PDE4B: variants seen among roughly 807,000 people sequenced by gnomAD.
The protein encoded by PDE4B is phosphodiesterase 4B, also known as 3',5'-cyclic-AMP phosphodiesterase 4B.
In PDE4B, 20 loss-of-function variants were observed where a neutral mutation model predicts 82.2. The observed-to-expected ratio is 0.24, with a 90% CI of 0.17 to 0.35. The LOEUF (loss-of-function observed/expected upper bound fraction) is 0.35, where lower values mean the gene tolerates loss of function less well. PDE4B is among the 10% of genes least tolerant of loss of function. The probability of loss-of-function intolerance (pLI) is 1.00; values close to 1 mark genes in which losing one functional copy is unlikely to be tolerated. For missense variants in PDE4B, 655 were observed against 907.2 expected, an observed-to-expected ratio of 0.72 and a Z score of 3.57; for synonymous variants, 320 against 318.9, an observed-to-expected ratio of 1.00 and a Z score of -0.04.
chr1:66,216,660 T>C (rs1007826904), intron 3 of PDE4B, among the ~76,000 whole-genome samples: 7 of 152,152 alleles, frequency 4.6e-5, no homozygotes, highest in African/African-American at 1.4e-4. Context: ...TCTGAAAGTG[T>C]CTCAAAGCAT....
chr1:65,836,162 G>C (rs1208041440), intron 1 of PDE4B, among the ~76,000 whole-genome samples: 3 of 151,980 alleles, frequency 2.0e-5, no homozygotes, highest in African/African-American at 7.2e-5. Context: ...GGCTGGTCTC[G>C]AACTTCCTAC....
chr1:66,104,937 A>G (rs1273527154), intron 3 of PDE4B, among the ~76,000 whole-genome samples: 2 of 148,298 alleles, frequency 1.3e-5, no homozygotes, highest in African/African-American at 2.5e-5. Context: ...GAAGCTCTTT[A>G]GTTTAATTAG....
chr1:66,332,194 A>T, intron 7 of PDE4B: 1 of 1,412,796 alleles, frequency 7.1e-7, no homozygotes, highest in South Asian at 1.6e-5. Flanking sequence ...GTTTTAGGAC[A>T]CATTTATGCA....
chr1:65,836,023 C>T (rs1312034005), intron 1 of PDE4B, among the ~76,000 whole-genome samples: 3 of 151,960 alleles, frequency 2.0e-5, no homozygotes, highest in Non-Finnish European at 1.5e-5. Flanking sequence ...TTTACTGCAA[C>T]CTCCGCCTCC....
At chr1:66,251,094 A>T (rs932384181) in intron 4 of PDE4B, among the ~76,000 whole-genome samples, 5 of 152,248 alleles carry the variant, frequency 3.3e-5, no homozygotes, top group African/African-American at 1.2e-4. Context: ...ACACCATCAC[A>T]CTTACTAGCA....
chr1:66,363,276 C>T lies in PDE4B; in HGVS notation c.1119+10C>T, dbSNP rs1364307904. 1.3e-6 allele frequency: 2 copies of T among 1,585,972 alleles called. No individual in the cohort carries two copies. The highest frequency in any genetic ancestry group is 2.2e-5 in the East Asian group (1 of 44,712). The stretch of plus-strand genomic sequence containing the variant: ...GTATGCTATATTCCAGGTGAGTGAA[C>T]AGGAGTGAATACTGGCTTTCCAATT... On this transcript the variant is annotated intron_variant, in intron 11 of 16. Transcript: ENST00000341517.
chr1:65,813,921 T>G (rs1645849893), intron 1 of PDE4B, among the ~76,000 whole-genome samples: 1 of 148,236 alleles, frequency 6.7e-6, no homozygotes, highest in Non-Finnish European at 1.5e-5. Context: ...AAACAACAGT[T>G]GAGAGATCTG....
intron 3 of PDE4B, among the ~76,000 whole-genome samples, chr1:66,150,866 G>T (rs1450489675): frequency 6.6e-6 from 1 of 152,080 alleles, no homozygotes; most frequent in East Asian, 1.9e-4. Context: ...ACCAACCTTG[G>T]ATTCCTGGGT....
intron 3 of PDE4B, among the ~76,000 whole-genome samples, chr1:66,104,440 T>C (rs1384460420): frequency 2.8e-4 from 39 of 139,426 alleles, no homozygotes; most frequent in African/African-American, 9.5e-4. Context: ...TTATAGTCCT[T>C]TGGGTATATA....
intron 3 of PDE4B, among the ~76,000 whole-genome samples, chr1:66,071,645 T>TGGAG: frequency 6.6e-6 from 1 of 152,094 alleles, no homozygotes; most frequent in Admixed American, 6.6e-5. Context: ...CTGTCACCTC[T>TGGAG]TGTCATCTTC....
At chr1:66,136,904 G>A (rs188455691) in intron 3 of PDE4B, among the ~76,000 whole-genome samples, 8 of 152,144 alleles carry the variant, frequency 5.3e-5, no homozygotes, top group Non-Finnish European at 7.4e-5. Context: ...GTCTAAGAAG[G>A]AGGACATAGT....
intron 1 of PDE4B, among the ~76,000 whole-genome samples, chr1:65,882,684 G>A (rs1479183760): frequency 6.8e-6 from 1 of 146,200 alleles, no homozygotes; most frequent in Non-Finnish European, 1.5e-5. Flanking sequence ...AAAAATATGT[G>A]TGTGTGTGTG....
At chr1:65,869,811 T>A (rs79788581) in intron 1 of PDE4B, among the ~76,000 whole-genome samples, 2 of 132,786 alleles carry the variant, frequency 1.5e-5, no homozygotes, top group Non-Finnish European at 3.3e-5. Context: ...TTTTTTTTTT[T>A]AAATGGCACT....
intron 3 of PDE4B, among the ~76,000 whole-genome samples, chr1:66,194,340 T>C (rs1218964884): frequency 6.6e-6 from 1 of 152,166 alleles, no homozygotes; most frequent in Non-Finnish European, 1.5e-5. Flanking sequence ...AATTGCTTAG[T>C]TGAATATGCT....
At chr1:66,022,608 T>C (rs1410325597) in intron 3 of PDE4B, among the ~76,000 whole-genome samples, 1 of 152,190 alleles carries the variant, frequency 6.6e-6, no homozygotes. Context: ...CTGGATTACG[T>C]TTATTGATTT....
At chr1:66,259,551 A>G (rs1200328432) in intron 6 of PDE4B, among the ~76,000 whole-genome samples, 1 of 152,112 alleles carries the variant, frequency 6.6e-6, no homozygotes, top group Non-Finnish European at 1.5e-5. Flanking sequence ...ACCTTCACTG[A>G]GATGCTTTCC....
chr1:66,196,745 T>C (rs1169552428), intron 3 of PDE4B, among the ~76,000 whole-genome samples: 7 of 131,370 alleles, frequency 5.3e-5, no homozygotes, highest in Middle Eastern at 5.0e-3. Flanking sequence ...CACTCATAGG[T>C]GGGAATTGAA....
At chr1:65,919,732 A>G (rs1026603507) in intron 3 of PDE4B, among the ~76,000 whole-genome samples, 1 of 147,332 alleles carries the variant, frequency 6.8e-6, no homozygotes, top group Non-Finnish European at 1.5e-5. Context: ...TATTATTTTT[A>G]TGGTGTACCA....
chr1:66,188,221 C>A (rs1222674384), intron 3 of PDE4B, among the ~76,000 whole-genome samples: 1 of 151,948 alleles, frequency 6.6e-6, no homozygotes, highest in African/African-American at 2.4e-5. Context: ...AATTTCTGTT[C>A]TTTTACATTT....
Sources: gnomAD v4.1 joint callset for allele counts (sites outside exome capture counted in the v4.1 genomes callset) on GRCh38, gnomAD v4.1.1 for gene constraint, MANE v1.5 for transcripts, NCBI Gene and HGNC (gene_info 2026-07-23, HGNC 2026-07-21) for gene names.